ZNF292: variants seen among roughly 807,000 people sequenced by gnomAD.
ZNF292 encodes 16 zinc-finger domain protein.
Under a neutral mutation model 217.9 loss-of-function variants are expected in ZNF292, and 26 were observed. The observed-to-expected ratio is 0.12, with a 90% CI of 0.09 to 0.17. The LOEUF is 0.17. Ranked by LOEUF, ZNF292 falls within the 10% of genes least tolerant of loss-of-function variation. The pLI is 1.00. For missense variants in ZNF292, 2,904 were observed against 3,175.2 expected (o/e 0.91, Z 2.05); for synonymous variants, 1,257 against 1,124.1 (o/e 1.12, Z -2.37).
chr6:87,263,446 A>G lies in ZNF292; in HGVS notation c.*1645A>G, dbSNP rs1775706132. 1 of 152,086 alleles carries G rather than the reference A, an allele frequency of 6.6e-6. No individual in the cohort carries two copies. Among genetic ancestry groups the G allele is most frequent in the Non-Finnish European group, 1.5e-5 (1 of 67,944 alleles). The allele number at this position is 152,086 out of a possible 1,614,324, so 9.4% of individuals were successfully genotyped here. A position where few individuals can be genotyped will look rare whatever the true frequency, so the allele number is the denominator to read the frequency against. On this transcript the variant is annotated 3_prime_UTR_variant, in exon 8 of 8. Transcript: ENST00000369577. ...CAGGAAAAATGAAGCACTTACTGAA[A>G]TCGCTGGTACTCTGAATAAATAAGC... is the stretch of plus-strand genomic sequence containing the variant.
intron 1 of ZNF292, among the ~76,000 whole-genome samples, chr6:87,198,796 G>C (rs1772031614): frequency 6.6e-6 from 1 of 152,160 alleles, no homozygotes. Context: ...AAACACAGCA[G>C]AATACATGAA....
Position 87,260,752 on chromosome 6 carries a change from C to T in ZNF292, c.7123C>T (p.Leu2375=). 1.2e-6 allele frequency: 2 copies of T among 1,613,374 alleles called. No individual in the cohort carries two copies. Among genetic ancestry groups the T allele is most frequent in the Non-Finnish European group, 1.7e-6 (2 of 1,179,614 alleles). The change falls in exon 8 of 8, where the codon CTG becomes TTG. Residue 2375 remains leucine, a synonymous_variant. Coordinates refer to ENST00000369577, the MANE Select transcript of ZNF292 (RefSeq NM_015021.3). ...VYSIKARNDA[L]SECTSRFVTQ... is the part of the protein sequence containing the mutation. ...TTCTATAAAGGCTAGAAATGATGCC[C>T]TGTCTGAGTGTACAAGCAGATTTGT...
rs747809559 is a variant in ZNF292, at chr6:87,255,147, CCTT to C, written c.1522_1524del (p.Leu508del). 3 of 1,613,586 alleles carry C rather than the reference CCTT, an allele frequency of 1.9e-6. No homozygotes were observed. Among genetic ancestry groups the C allele is most frequent in the Non-Finnish European group, 2.5e-6 (3 of 1,179,812 alleles). On this transcript the variant is annotated inframe_deletion, in exon 8 of 8. Transcript: ENST00000369577. Reference sequence around the variant, plus strand: ...CTGGTGGAGTTGGTGCTAATTCTGGCCTTCTTAAAGACATTGGTGATGAAAAGC... The same window carrying C: ...CTGGTGGAGTTGGTGCTAATTCTGGCCTTAAAGACATTGGTGATGAAAAGC...
At chr6:87,237,605 T>C (rs888071082) in intron 5 of ZNF292, among the ~76,000 whole-genome samples, 2 of 152,246 alleles carry the variant, frequency 1.3e-5, no homozygotes, top group Non-Finnish European at 2.9e-5. Context: ...TAAATTCATA[T>C]AAAATATTGA....
rs35541349 is a variant in ZNF292 at position 87,261,934 on chromosome 6, G to GA, written c.*143dup. 140,571 of 522,946 alleles carry GA rather than the reference G, an allele frequency of 0.27. 11,022 individuals are homozygous for GA. The highest frequency in any genetic ancestry group is 0.38 in the Admixed American group (9,182 of 24,040). 32.4% of individuals were successfully genotyped at this position (522,946 alleles called of 1,614,324 possible). A position where few individuals can be genotyped will look rare whatever the true frequency, so the allele number is the denominator to read the frequency against. ...AATTAACCTGGCCAAAAACAAAAAA[G>GA]AAAAAAAAAACATGACATTTGTCAT... On this transcript the variant is annotated 3_prime_UTR_variant, in exon 8 of 8. Transcript: ENST00000369577.
intron 1 of ZNF292, among the ~76,000 whole-genome samples, chr6:87,189,660 AGAC>A (rs893079399): frequency 2.0e-5 from 3 of 152,020 alleles, no homozygotes; most frequent in African/African-American, 7.2e-5. Context: ...GGGGGGAAGA[AGAC>A]CACAGAGATA....
intron 1 of ZNF292, among the ~76,000 whole-genome samples, chr6:87,160,932 G>A (rs1320186908): frequency 6.6e-6 from 1 of 151,892 alleles, no homozygotes; most frequent in South Asian, 2.1e-4. Flanking sequence ...ACCCTTTTCA[G>A]AAACATTGAA....
At chr6:87,168,332 G>T (rs1245923955) in intron 1 of ZNF292, among the ~76,000 whole-genome samples, 1 of 152,198 alleles carries the variant, frequency 6.6e-6, no homozygotes, top group African/African-American at 2.4e-5. Flanking sequence ...TGTTTAGGAA[G>T]ACTGAGGCAT....
chr6:87,253,232 T>C (rs1390023998), intron 7 of ZNF292, among the ~76,000 whole-genome samples: 1 of 149,774 alleles, frequency 6.7e-6, no homozygotes, highest in Non-Finnish European at 1.5e-5. Context: ...TTTTTTTTTT[T>C]TTTTTTTTTT....
intron 6 of ZNF292, among the ~76,000 whole-genome samples, chr6:87,245,197 G>A (rs1282270674): frequency 5.3e-5 from 8 of 151,896 alleles, no homozygotes; most frequent in South Asian, 2.1e-4. Flanking sequence ...CCGAGATTGC[G>A]TCACTGCACT....
intron 7 of ZNF292, among the ~76,000 whole-genome samples, chr6:87,251,814 A>G (rs1184123101): frequency 6.6e-6 from 1 of 152,190 alleles, no homozygotes; most frequent in Non-Finnish European, 1.5e-5. Flanking sequence ...CTTTTGTTTC[A>G]TTGTCATTAA....
intron 1 of ZNF292, among the ~76,000 whole-genome samples, chr6:87,201,899 A>G (rs944041596): frequency 6.6e-6 from 1 of 152,158 alleles, no homozygotes; most frequent in South Asian, 2.1e-4. Flanking sequence ...TCTCACATAT[A>G]TGTAATTCTG....
At chr6:87,238,196 A>G (rs552852867) in intron 5 of ZNF292, among the ~76,000 whole-genome samples, 38 of 152,310 alleles carry the variant, frequency 2.5e-4, no homozygotes, top group African/African-American at 9.1e-4. Context: ...TTAAATATTA[A>G]GAGTAAGCTG....
chr6:87,243,027 T>G (rs909349124), intron 5 of ZNF292, among the ~76,000 whole-genome samples: 1 of 152,048 alleles, frequency 6.6e-6, no homozygotes, highest in East Asian at 1.9e-4. Flanking sequence ...AGTTTATTAG[T>G]CTATACCCAG....
intron 1 of ZNF292, among the ~76,000 whole-genome samples, chr6:87,164,157 G>C (rs1391410112): frequency 2.0e-5 from 3 of 152,070 alleles, no homozygotes; most frequent in African/African-American, 7.2e-5. Flanking sequence ...CTGCTGAGTG[G>C]TTCTGCAGTC....
At chr6:87,215,854 A>G in intron 1 of ZNF292, 49 bp from the exon 2 acceptor site, 1 of 1,462,042 alleles carries the variant, frequency 6.8e-7, no homozygotes, top group Non-Finnish European at 9.1e-7. Flanking sequence ...GAGTCAATGT[A>G]TATTTTGATT....
intron 5 of ZNF292, among the ~76,000 whole-genome samples, chr6:87,239,961 A>G (rs1205033551): frequency 4.2e-4 from 64 of 152,034 alleles, no homozygotes; most frequent in Admixed American, 4.1e-3. Flanking sequence ...GCGGCCGGGC[A>G]GAGGCTGCAG....
chr6:87,256,760 C>T lies in ZNF292; in HGVS notation c.3131C>T (p.Pro1044Leu), dbSNP rs758296174. The T allele has an allele frequency of 1.2e-6, 2 of 1,612,588 alleles. No individual in the cohort carries two copies. Among genetic ancestry groups the T allele is most frequent in the Admixed American group, 3.3e-5 (2 of 59,962 alleles). The change falls in exon 8 of 8, where the codon CCA becomes CTA. Residue 1044 changes from proline (P) to leucine (L), a missense_variant. Pro to Leu is a moderately conservative substitution (Grantham distance 98). Transcript: ENST00000369577. ...QNQAAFQNNLPTSKFECGDNV... is the reference protein window; with the variant it reads ...QNQAAFQNNLLTSKFECGDNV... ...CAGGCAGCATTTCAAAACAATTTAC[C>T]AACTTCCAAATTTGAATGTGGAGAT...
intron 1 of ZNF292, among the ~76,000 whole-genome samples, chr6:87,185,823 T>C (rs545142460): frequency 1.3e-5 from 2 of 152,152 alleles, no homozygotes; most frequent in South Asian, 2.1e-4. Context: ...TAATTTATTA[T>C]AAAGGATTTT....
Sources: allele counts gnomAD v4.1 joint callset (sites outside exome capture counted in the v4.1 genomes callset), GRCh38; gene constraint gnomAD v4.1.1; transcripts MANE v1.5; gene names NCBI Gene and HGNC (gene_info 2026-07-23, HGNC 2026-07-21).